Variants in PTPRD observed in about 807,000 individuals in gnomAD.
PTPRD encodes the protein receptor-type tyrosine-protein phosphatase delta.
In PTPRD, 34 loss-of-function variants were observed where a neutral mutation model predicts 214.5. The observed-to-expected ratio is 0.16, with a 90% CI of 0.12 to 0.21. The LOEUF (loss-of-function observed/expected upper bound fraction) is 0.21. Ranked by LOEUF, PTPRD falls within the 10% of genes least tolerant of loss-of-function variation. PTPRD has a pLI of 1.00. For synonymous variants in PTPRD, 1,128 were observed against 845.7 expected (o/e 1.33, Z -5.79); for missense variants, 2,545 against 2,398.7 (o/e 1.06, Z -1.27).
intron 11 of PTPRD, among the ~76,000 whole-genome samples, chr9:9,000,456 T>C (rs1052363655): frequency 5.9e-5 from 9 of 151,970 alleles, no homozygotes; most frequent in Admixed American, 5.3e-4. Context: ...ATATTGTGGT[T>C]CATCTTGAGG....
chr9:10,092,938 T>G (rs993483565), intron 3 of PTPRD, among the ~76,000 whole-genome samples: 6 of 151,722 alleles, frequency 4.0e-5, no homozygotes, highest in African/African-American at 1.4e-4. Context: ...TTTTACCATG[T>G]ACAAAAATTA....
At chr9:9,450,737 T>G (rs2091904102) in intron 8 of PTPRD, among the ~76,000 whole-genome samples, 2 of 117,040 alleles carry the variant, frequency 1.7e-5, no homozygotes. Flanking sequence ...ATGTATTAAT[T>G]GTACATATTA....
intron 11 of PTPRD, among the ~76,000 whole-genome samples, chr9:8,915,678 C>T (rs1311919571): frequency 1.3e-5 from 2 of 152,128 alleles, no homozygotes; most frequent in East Asian, 1.9e-4. Flanking sequence ...GATGTTTCAA[C>T]TCAAGTCCGA....
chr9:8,387,584 G>A (rs2087607568), intron 37 of PTPRD, among the ~76,000 whole-genome samples: 1 of 152,184 alleles, frequency 6.6e-6, no homozygotes, highest in South Asian at 2.1e-4. Context: ...TAATATAATA[G>A]TTCAGCTGTC....
chr9:9,120,223 C>G (rs572731382), intron 10 of PTPRD, among the ~76,000 whole-genome samples: 1 of 152,128 alleles, frequency 6.6e-6, no homozygotes, highest in East Asian at 1.9e-4. Context: ...AATCTGTTCA[C>G]CAAATTTATT....
intron 3 of PTPRD, among the ~76,000 whole-genome samples, chr9:10,078,750 T>G (rs1243132949): frequency 2.0e-5 from 3 of 152,222 alleles, no homozygotes; most frequent in East Asian, 1.9e-4. Flanking sequence ...CCTAGGAATT[T>G]ATATTCAATG....
chr9:8,581,721 C>T (rs940344171), intron 14 of PTPRD, among the ~76,000 whole-genome samples: 12 of 149,802 alleles, frequency 8.0e-5, no homozygotes, highest in East Asian at 2.0e-4. Context: ...CACTCTAGCC[C>T]GGACGACAGA....
intron 5 of PTPRD, among the ~76,000 whole-genome samples, chr9:9,836,906 A>G (rs552242749): frequency 6.6e-6 from 1 of 152,214 alleles, no homozygotes; most frequent in Admixed American, 6.6e-5. Context: ...AATAGATTAT[A>G]ACATGACTGT....
intron 11 of PTPRD, among the ~76,000 whole-genome samples, chr9:8,773,292 G>T (rs976572770): frequency 9.9e-5 from 15 of 152,156 alleles, no homozygotes; most frequent in African/African-American, 3.6e-4. Context: ...CTGGTACTAT[G>T]TCCTGCAGAC....
At chr9:8,625,449 A>G (rs1218693900) in intron 14 of PTPRD, among the ~76,000 whole-genome samples, 1 of 151,862 alleles carries the variant, frequency 6.6e-6, no homozygotes, top group Non-Finnish European at 1.5e-5. Context: ...AAGGTAGAAA[A>G]TATCTAAAAA....
chr9:9,789,787 ACTCTGT>A (rs138582572), intron 5 of PTPRD, among the ~76,000 whole-genome samples: 19,646 of 54,850 alleles, frequency 0.36, 4,403 homozygotes, highest in African/African-American at 0.54. Context: ...ACAGAGCCAA[ACTCTGT>A]CTCAAAAAAA....
At chr9:9,860,361 C>G (rs1399473818) in intron 5 of PTPRD, among the ~76,000 whole-genome samples, 2 of 152,200 alleles carry the variant, frequency 1.3e-5, no homozygotes, top group Non-Finnish European at 2.9e-5. Context: ...AATTCTGTTT[C>G]TTTCTTGAAG....
At chr9:8,951,674 T>C (rs1302273134) in intron 11 of PTPRD, among the ~76,000 whole-genome samples, 1 of 152,040 alleles carries the variant, frequency 6.6e-6, no homozygotes, top group Admixed American at 6.6e-5. Context: ...ATTCTTTCAT[T>C]CAGGCAGTTA....
chr9:10,298,613 A>G (rs1371535566), intron 3 of PTPRD, among the ~76,000 whole-genome samples: 1 of 152,102 alleles, frequency 6.6e-6, no homozygotes, highest in Non-Finnish European at 1.5e-5. Context: ...GAAGATATAG[A>G]CAAAATACAA....
At chr9:10,084,248 T>C (rs928583419) in intron 3 of PTPRD, among the ~76,000 whole-genome samples, 3 of 152,002 alleles carry the variant, frequency 2.0e-5, no homozygotes, top group Non-Finnish European at 2.9e-5. Flanking sequence ...TTTTCTGAAG[T>C]ACAGAAAGCA....
chr9:8,881,464 T>G (rs2154219195), intron 11 of PTPRD, among the ~76,000 whole-genome samples: 1 of 152,362 alleles, frequency 6.6e-6, no homozygotes, highest in African/African-American at 2.4e-5. Context: ...ACAAGATTTC[T>G]GTAAATAATT....
chr9:9,739,448 G>A (rs1435515592), intron 6 of PTPRD, among the ~76,000 whole-genome samples: 3 of 151,962 alleles, frequency 2.0e-5, no homozygotes, highest in African/African-American at 4.8e-5. Context: ...TTGCTAAGTT[G>A]TATTTTTCTA....
intron 43 of PTPRD, among the ~76,000 whole-genome samples, chr9:8,333,477 T>C (rs1433025605): frequency 6.6e-6 from 1 of 152,078 alleles, no homozygotes; most frequent in Non-Finnish European, 1.5e-5. Context: ...AAAGGAGAAA[T>C]AAAATCCTTT....
At chr9:9,569,634 A>G (rs1047836441) in intron 8 of PTPRD, among the ~76,000 whole-genome samples, 3 of 151,796 alleles carry the variant, frequency 2.0e-5, no homozygotes, top group Non-Finnish European at 3.0e-5. Context: ...TCCATAGTAT[A>G]TCAAAGAGGG....
Sources: gnomAD v4.1 joint callset for allele counts (sites outside exome capture counted in the v4.1 genomes callset) on GRCh38, gnomAD v4.1.1 for gene constraint, MANE v1.5 for transcripts, NCBI Gene and HGNC (gene_info 2026-07-23, HGNC 2026-07-21) for gene names.